Variants in CSMD1 observed in about 807,000 individuals in gnomAD.
The protein encoded by CSMD1 is CUB and Sushi multiple domains 1, also known as CUB and sushi domain-containing protein 1.
CSMD1 carries 213 observed loss-of-function variants against 417.5 expected under a neutral mutation model. The observed-to-expected ratio is 0.51, with a 90% CI of 0.46 to 0.57. CSMD1 has a LOEUF of 0.57. CSMD1 is among the 20% of genes least tolerant of loss of function. The probability of loss-of-function intolerance (pLI) is 0.00; values close to 1 mark genes in which losing one functional copy is unlikely to be tolerated. For synonymous variants in CSMD1, 2,862 were observed against 1,736.8 expected, an observed-to-expected ratio of 1.65 and a Z score of -16.11; for missense variants, 6,923 against 4,529.7, an observed-to-expected ratio of 1.53 and a Z score of -15.17.
At chr8:3,480,323 C>T (rs1284023530) in intron 11 of CSMD1, among the ~76,000 whole-genome samples, 2 of 152,290 alleles carry the variant, frequency 1.3e-5, no homozygotes, top group Middle Eastern at 6.8e-3. Context: ...GATCGTGCCA[C>T]TGCACTCCAG....
At position 4,071,590 on chromosome 8, in the gene CSMD1, G is replaced by C. The variant is rs997939372; in HGVS notation, c.416-39491C>G. Among the ~76,000 whole-genome samples the C allele has an allele frequency of 8.6e-4, 130 of 152,032 alleles. 1 individual carries two copies. The highest frequency in any genetic ancestry group is 1.0e-4 in the Non-Finnish European group (7 of 68,018). The stretch of plus-strand genomic sequence containing the variant: ...CCAACATCTGTGTCCTATCAAGCTT[G>C]GTCTCAGTTTTGGGGGCCTTTTAGT... On this transcript the variant is annotated intron_variant, in intron 3 of 69. Transcript: ENST00000635120.
chr8:3,725,448 C>T (rs78960045), intron 6 of CSMD1, among the ~76,000 whole-genome samples: 6,250 of 152,084 alleles, frequency 0.041, 257 homozygotes, highest in African/African-American at 0.11. Flanking sequence ...AAGCTGAAGG[C>T]GACTGTGGGG....
intron 1 of CSMD1, among the ~76,000 whole-genome samples, chr8:4,848,031 G>C (rs1336951131): frequency 6.6e-6 from 1 of 152,088 alleles, no homozygotes; most frequent in East Asian, 1.9e-4. Flanking sequence ...TGTCTCTGTA[G>C]ATTTCCCTGT....
chr8:4,467,173 C>G (rs146378609), intron 2 of CSMD1, among the ~76,000 whole-genome samples: 2 of 151,030 alleles, frequency 1.3e-5, no homozygotes, highest in African/African-American at 4.9e-5. Flanking sequence ...GTTGACAACT[C>G]GTTCTGTAAA....
chr8:3,263,880 A>G lies in CSMD1; in HGVS notation c.4153+20264T>C, dbSNP rs1231919735. ...GTATGTCTCTTCTTTGATGTGTAAA[A>G]ATAGTACACTGTTTAAAGTTATTTT... On this transcript the variant is annotated intron_variant, in intron 26 of 69. Transcript: ENST00000635120. Among the ~76,000 whole-genome samples, 4 of 152,226 alleles carry G rather than the reference A, an allele frequency of 2.6e-5. No homozygotes were observed. In the East Asian group the frequency reaches 7.7e-4, roughly 29 times the overall value.
At chr8:3,708,837 G>A (rs978259637) in intron 6 of CSMD1, among the ~76,000 whole-genome samples, 2 of 152,082 alleles carry the variant, frequency 1.3e-5, no homozygotes, top group Non-Finnish European at 2.9e-5. Context: ...CTCACTTCAT[G>A]TATCTATCCT....
At chr8:3,296,386 G>A (rs1307806633) in intron 25 of CSMD1, among the ~76,000 whole-genome samples, 2 of 152,112 alleles carry the variant, frequency 1.3e-5, no homozygotes, top group African/African-American at 2.4e-5. Flanking sequence ...AGAGCTGAGA[G>A]CAGAGAAGAA....
chr8:3,481,066 G>T (rs796240050), intron 11 of CSMD1, among the ~76,000 whole-genome samples: 135 of 148,916 alleles, frequency 9.1e-4, no homozygotes, highest in African/African-American at 3.2e-3. Context: ...TGAGGCAGGA[G>T]AGTGCTTTGA....
At chr8:3,826,421 G>C (rs1417567876) in intron 5 of CSMD1, among the ~76,000 whole-genome samples, 1 of 152,172 alleles carries the variant, frequency 6.6e-6, no homozygotes, top group South Asian at 2.1e-4. Flanking sequence ...AGTTATTAGG[G>C]AGACCGCTCT....
intron 1 of CSMD1, among the ~76,000 whole-genome samples, chr8:4,651,353 T>C (rs1803883709): frequency 6.6e-6 from 1 of 152,160 alleles, no homozygotes; most frequent in Admixed American, 6.5e-5. Context: ...GCGTTGAATA[T>C]TCAAGCAGAT....
rs1188790860 is a variant in CSMD1 at position 3,189,922 on chromosome 8, G to A, written c.5388C>T (p.Pro1796=). Residue 1796 remains proline (P), a synonymous_variant, in exon 34 of 70, where the codon CCC becomes CCT. Coordinates refer to ENST00000635120, the MANE Select transcript of CSMD1 (RefSeq NM_033225.6). ...NALAQWNDTI[P]SCVVPCSGNF... ...AGGGACACTGCTCACCCACACAGCT[G>A]GGGATCGTGTCGTTCCACTGTGCCA... is the stretch of plus-strand genomic sequence containing the variant. The A allele has an allele frequency of 6.3e-7, 1 of 1,580,408 alleles. No individual in the cohort carries two copies. Among genetic ancestry groups the A allele is most frequent in the Non-Finnish European group, 8.6e-7 (1 of 1,163,662 alleles).
intron 5 of CSMD1, among the ~76,000 whole-genome samples, chr8:3,880,607 G>C (rs1306379965): frequency 6.6e-6 from 1 of 152,012 alleles, no homozygotes; most frequent in South Asian, 2.1e-4. Flanking sequence ...TATATTTTTG[G>C]ATTCTCCATT....
At chr8:4,373,270 G>A (rs1395329956) in intron 3 of CSMD1, among the ~76,000 whole-genome samples, 1 of 152,158 alleles carries the variant, frequency 6.6e-6, no homozygotes, top group East Asian at 1.9e-4. Flanking sequence ...ATAAGTAAAT[G>A]TCAAGTGTGA....
intron 10 of CSMD1, among the ~76,000 whole-genome samples, chr8:3,549,691 C>T (rs145510672): frequency 6.6e-4 from 101 of 152,238 alleles, no homozygotes; most frequent in Admixed American, 1.8e-3. Context: ...CAACACTGGA[C>T]GCCGTGTGCT....
chr8:3,844,728 G>A (rs921769729), intron 5 of CSMD1, among the ~76,000 whole-genome samples: 1 of 152,176 alleles, frequency 6.6e-6, no homozygotes, highest in Non-Finnish European at 1.5e-5. Flanking sequence ...CTGAAATACA[G>A]ATCTTCCTTG....
Position 4,397,726 on chromosome 8 carries a change from C to G in CSMD1, c.415+22227G>C, listed in dbSNP as rs117527316. The stretch of plus-strand genomic sequence containing the variant: ...TTTCAAATTAACTAGATTTGAATCT[C>G]AAAATACAAATATGTTTGAATAACA... On this transcript the variant is annotated intron_variant, in intron 3 of 69. Coordinates refer to ENST00000635120, the MANE Select transcript of CSMD1 (RefSeq NM_033225.6). 8.0e-3 allele frequency among the ~76,000 whole-genome samples: 1,207 copies of G among 151,678 alleles called. 8 individuals are homozygous for G. The highest frequency in any genetic ancestry group is 0.021 in the Middle Eastern group (6 of 292).
At chr8:3,360,033 C>T (rs11781023) in intron 20 of CSMD1, among the ~76,000 whole-genome samples, 25,729 of 152,090 alleles carry the variant, frequency 0.17, 2,750 homozygotes, top group South Asian at 0.3. Flanking sequence ...TGGTAACTAA[C>T]GCATGAAGCA....
At chr8:3,516,565 A>C (rs1436895662) in intron 10 of CSMD1, among the ~76,000 whole-genome samples, 1 of 152,188 alleles carries the variant, frequency 6.6e-6, no homozygotes, top group East Asian at 1.9e-4. Context: ...TCTGCTTGAA[A>C]ATCTTTCAGT....
intron 26 of CSMD1, among the ~76,000 whole-genome samples, chr8:3,248,964 G>C (rs921922483): frequency 6.6e-6 from 1 of 151,956 alleles, no homozygotes; most frequent in Admixed American, 6.6e-5. Context: ...CTCCACCTCG[G>C]TCTGCTTTTA....
Sources: gnomAD v4.1 joint callset for allele counts (sites outside exome capture counted in the v4.1 genomes callset) on GRCh38, gnomAD v4.1.1 for gene constraint, MANE v1.5 for transcripts, NCBI Gene and HGNC (gene_info 2026-07-23, HGNC 2026-07-21) for gene names.